The following RAB27B variants were observed in gnomAD, a reference collection of about 807,000 sequenced individuals.
The protein encoded by RAB27B is RAB27B, member RAS oncogene family.
RAB27B carries 15 observed loss-of-function variants against 24.6 expected under a neutral mutation model. That is an observed-to-expected ratio of 0.61 (90% CI 0.41 to 0.94). The LOEUF is 0.94. RAB27B is among the 40% of genes least tolerant of loss of function. RAB27B has a pLI of 0.00. For missense variants in RAB27B, 261 were observed against 266.8 expected (o/e 0.98, Z 0.15); for synonymous variants, 105 against 92.5 (o/e 1.14, Z -0.78).
intron 1 of RAB27B, among the ~76,000 whole-genome samples, chr18:54,854,327 C>T (rs1328062778): frequency 2.0e-5 from 3 of 152,180 alleles, no homozygotes; most frequent in Non-Finnish European, 4.4e-5. Context: ...CTCCGTGTTC[C>T]TATTGACTTT....
intron 2 of RAB27B, among the ~76,000 whole-genome samples, chr18:54,768,164 G>C (rs984689500): frequency 1.3e-5 from 2 of 151,994 alleles, no homozygotes; most frequent in Non-Finnish European, 2.9e-5. Context: ...AAATTTATTA[G>C]GTAATTAAAG....
At chr18:54,833,469 C>T (rs535815180) in intron 1 of RAB27B, among the ~76,000 whole-genome samples, 10 of 152,132 alleles carry the variant, frequency 6.6e-5, no homozygotes, top group South Asian at 4.1e-4. Context: ...TCAGGTGATC[C>T]GCCTGCCTTG....
In RAB27B at chr18:54,732,785, CA is replaced by C. The variant is rs1162780611; in HGVS notation, c.-20+14648del. ...TATTGAGGTTTTCTGTTCCACCAGA[CA>C]AAAGTTATTTATATTTCTACAGGAC... On this transcript the variant is annotated intron_variant, in intron 2 of 4. Coordinates refer to the RAB27B transcript ENST00000586570. 3.3e-5 allele frequency among the ~76,000 whole-genome samples: 5 copies of C among 152,226 alleles called. No homozygotes were observed. In the South Asian group the frequency reaches 1.0e-3, roughly 32 times the overall value.
chr18:54,847,556 T>A (rs1472274450), intron 1 of RAB27B, among the ~76,000 whole-genome samples: 1 of 152,234 alleles, frequency 6.6e-6, no homozygotes, highest in Non-Finnish European at 1.5e-5. Flanking sequence ...AACTCCCTTC[T>A]CCAAGTCCTT....
At chr18:54,875,007 T>C (rs1300383829) in intron 1 of RAB27B, among the ~76,000 whole-genome samples, 1 of 152,128 alleles carries the variant, frequency 6.6e-6, no homozygotes, top group African/African-American at 2.4e-5. Flanking sequence ...CAGCAACATA[T>C]TCAATGATAC....
intron 2 of RAB27B, chr18:54,745,706 C>A (rs930769670): frequency 2.7e-5 from 4 of 150,536 alleles, no homozygotes; most frequent in African/African-American, 9.7e-5. Context: ...TCATTAGAAG[C>A]ATTCACACTG....
intron 1 of RAB27B, among the ~76,000 whole-genome samples, chr18:54,845,934 AG>A (rs1568093630): frequency 1.3e-5 from 2 of 152,200 alleles, no homozygotes; most frequent in African/African-American, 2.4e-5. Context: ...GAGTGGTAAA[AG>A]TTTGAGTCAT....
At chr18:54,867,174 T>C (rs1912264718) in intron 1 of RAB27B, among the ~76,000 whole-genome samples, 1 of 152,042 alleles carries the variant, frequency 6.6e-6, no homozygotes, top group African/African-American at 2.4e-5. Context: ...AAAATGAGTT[T>C]TTGGTTAAAA....
At chr18:54,833,013 A>G (rs1319966862) in intron 1 of RAB27B, among the ~76,000 whole-genome samples, 3 of 152,176 alleles carry the variant, frequency 2.0e-5, no homozygotes, top group Non-Finnish European at 4.4e-5. Flanking sequence ...TTTTAAAATG[A>G]CTTGTAGAAC....
intron 2 of RAB27B, among the ~76,000 whole-genome samples, chr18:54,818,662 C>G (rs1910196265): frequency 6.6e-6 from 1 of 152,044 alleles, no homozygotes; most frequent in East Asian, 1.9e-4. Flanking sequence ...GCCTGACCTC[C>G]CACTTTTACA....
chr18:54,797,269 C>T (rs1909452248), intron 2 of RAB27B, among the ~76,000 whole-genome samples: 1 of 152,172 alleles, frequency 6.6e-6, no homozygotes. Context: ...CTTATAGGCA[C>T]TCTTCTAGCA....
At chr18:54,779,465 C>T (rs979053807) in intron 2 of RAB27B, among the ~76,000 whole-genome samples, 2 of 152,066 alleles carry the variant, frequency 1.3e-5, no homozygotes, top group Admixed American at 1.3e-4. Context: ...TGGACAAATC[C>T]CCAAGACTGC....
intron 1 of RAB27B, among the ~76,000 whole-genome samples, chr18:54,836,865 G>GAC (rs1247708668): frequency 6.6e-6 from 1 of 152,076 alleles, no homozygotes; most frequent in Admixed American, 6.5e-5. Context: ...CCTGTTGTAG[G>GAC]ACATTATAAA....
intron 2 of RAB27B, among the ~76,000 whole-genome samples, chr18:54,757,976 T>TG: frequency 6.6e-6 from 1 of 152,224 alleles, no homozygotes; most frequent in South Asian, 2.1e-4. Flanking sequence ...CTACAATACT[T>TG]GCTTTTCTTT....
At chr18:54,766,881 C>T (rs1908379373) in intron 2 of RAB27B, among the ~76,000 whole-genome samples, 1 of 152,172 alleles carries the variant, frequency 6.6e-6, no homozygotes, top group Non-Finnish European at 1.5e-5. Flanking sequence ...TAAGTCATCA[C>T]TAATGCATTG....
intron 4 of RAB27B, among the ~76,000 whole-genome samples, chr18:54,885,015 C>G (rs1048540019): frequency 1.3e-5 from 2 of 152,112 alleles, no homozygotes; most frequent in African/African-American, 4.8e-5. Flanking sequence ...AGACAAATCT[C>G]CAGCCCCTGT....
chr18:54,803,351 A>G (rs144865167), intron 2 of RAB27B, among the ~76,000 whole-genome samples: 5 of 152,194 alleles, frequency 3.3e-5, no homozygotes, highest in Non-Finnish European at 7.3e-5. Flanking sequence ...GAGGCTTGAC[A>G]GATCAGAGAA....
At chr18:54,723,210 A>C (rs1223812712) in intron 2 of RAB27B, among the ~76,000 whole-genome samples, 1 of 152,208 alleles carries the variant, frequency 6.6e-6, no homozygotes, top group African/African-American at 2.4e-5. Context: ...GAGGTGGGCC[A>C]GGAGTAAAAC....
At chr18:54,819,643 A>G (rs1910238233) in intron 2 of RAB27B, among the ~76,000 whole-genome samples, 1 of 151,820 alleles carries the variant, frequency 6.6e-6, no homozygotes, top group Non-Finnish European at 1.5e-5. Context: ...TATAAAACTT[A>G]CAGTTTTAGA....
Sources: gnomAD v4.1 joint callset for allele counts (sites outside exome capture counted in the v4.1 genomes callset) on GRCh38, gnomAD v4.1.1 for gene constraint, MANE v1.5 for transcripts, NCBI Gene and HGNC (gene_info 2026-07-23, HGNC 2026-07-21) for gene names.